Variants in NRXN1 observed in about 807,000 individuals in gnomAD.
NRXN1 encodes neurexin 1.
Under a neutral mutation model 150.9 loss-of-function variants are expected in NRXN1, and 39 were observed. The ratio of observed to expected loss-of-function variants is 0.26; its 90% confidence interval spans 0.20 to 0.34. NRXN1 has a LOEUF of 0.34. Ranked by LOEUF, NRXN1 falls within the 10% of genes least tolerant of loss-of-function variation. The pLI, the probability that NRXN1 is intolerant of heterozygous loss-of-function variation, is 1.00. For synonymous variants in NRXN1, 924 were observed against 757.0 expected (o/e 1.22, Z -3.62); for missense variants, 1,815 against 1,949.9 (o/e 0.93, Z 1.30).
chr2:50,163,746 A>T (rs2059507396), intron 18 of NRXN1, among the ~76,000 whole-genome samples: 1 of 152,174 alleles, frequency 6.6e-6, no homozygotes, highest in Non-Finnish European at 1.5e-5. Flanking sequence ...GTGTGTTAAC[A>T]TATACACGTT....
intron 19 of NRXN1, among the ~76,000 whole-genome samples, chr2:50,072,420 C>A (rs1446508061): frequency 6.6e-6 from 1 of 151,810 alleles, no homozygotes; most frequent in Non-Finnish European, 1.5e-5. Flanking sequence ...ACTGTGAGAT[C>A]CCAAAAGATA....
rs117649255 is a variant in NRXN1 at position 50,902,831 on chromosome 2, A to G, written c.832+19038T>C. Among the ~76,000 whole-genome samples the G allele has an allele frequency of 6.7e-3, 1,018 of 152,310 alleles. 45 individuals carry two copies. In the East Asian group the frequency reaches 0.079, roughly 12 times the overall value. On this transcript the variant is annotated intron_variant, in intron 5 of 22. Coordinates refer to ENST00000401669, the MANE Select transcript of NRXN1 (RefSeq NM_001330078.2). ...ATCTCAGATAGTTATTATAACAGAT[A>G]AGAAAATGCTTTTTACAAGTCAAAA...
chr2:50,836,750 T>A lies in NRXN1; in HGVS notation c.832+85119A>T, dbSNP rs573523387. Among the ~76,000 whole-genome samples the A allele has an allele frequency of 2.0e-4, 31 of 151,894 alleles. 2 individuals carry two copies. In the South Asian group the frequency reaches 6.2e-3, roughly 30 times the overall value. On this transcript the variant is annotated intron_variant, in intron 5 of 22. Coordinates refer to ENST00000401669, the MANE Select transcript of NRXN1 (RefSeq NM_001330078.2). ...GGACACCCAGGTTGCTTCCATGTAATCTTGACCTAAGTTACAAATTTGCGA... is the reference window on the plus strand; with the variant it reads ...GGACACCCAGGTTGCTTCCATGTAAACTTGACCTAAGTTACAAATTTGCGA...
At chr2:50,158,976 G>A (rs1049446960) in intron 18 of NRXN1, among the ~76,000 whole-genome samples, 1 of 151,988 alleles carries the variant, frequency 6.6e-6, no homozygotes, top group Admixed American at 6.6e-5. Context: ...TCACACGCAA[G>A]GTAACTGCTT....
chr2:50,853,747 T>C (rs1314991027), intron 5 of NRXN1, among the ~76,000 whole-genome samples: 1 of 152,078 alleles, frequency 6.6e-6, no homozygotes, highest in Non-Finnish European at 1.5e-5. Flanking sequence ...TACAAATTCT[T>C]ATCCATAAAA....
In NRXN1 at chr2:50,897,914, T is replaced by C. The variant is rs528170713; in HGVS notation, c.832+23955A>G. 1.8e-4 allele frequency among the ~76,000 whole-genome samples: 27 copies of C among 151,486 alleles called. No homozygotes were observed. The East Asian group carries it at 2.1e-3, about 12-fold the overall frequency. ...CTATTTACTGTATTCCTCCATAAAA[T>C]TGATGATAGCAAAAACAAAACATAA... is the stretch of plus-strand genomic sequence containing the variant. On this transcript the variant is annotated intron_variant, in intron 5 of 22. Coordinates refer to ENST00000401669, the MANE Select transcript of NRXN1 (RefSeq NM_001330078.2).
At chr2:50,695,633 TTAAAATATG>T (rs1692714008) in intron 5 of NRXN1, among the ~76,000 whole-genome samples, 2 of 152,132 alleles carry the variant, frequency 1.3e-5, no homozygotes, top group Admixed American at 6.5e-5. Context: ...ATTTGAGAGA[TTAAAATATG>T]TGAAATATGT....
intron 13 of NRXN1, among the ~76,000 whole-genome samples, chr2:50,504,349 A>G (rs1443850836): frequency 1.3e-5 from 2 of 152,266 alleles, no homozygotes; most frequent in East Asian, 3.9e-4. Flanking sequence ...TTTTTAAAAA[A>G]TACATGCTGA....
chr2:50,268,956 T>G (rs1471342508), intron 17 of NRXN1, among the ~76,000 whole-genome samples: 3 of 152,064 alleles, frequency 2.0e-5, no homozygotes, highest in Admixed American at 2.0e-4. Context: ...CCTAGACAGG[T>G]GAGTAATGCC....
intron 18 of NRXN1, among the ~76,000 whole-genome samples, chr2:50,177,642 G>A (rs373059268): frequency 6.6e-6 from 1 of 151,876 alleles, no homozygotes; most frequent in Non-Finnish European, 1.5e-5. Context: ...TGATGCAAAC[G>A]CCTAAATACA....
chr2:50,837,727 T>G (rs780498835), intron 5 of NRXN1, among the ~76,000 whole-genome samples: 1 of 152,128 alleles, frequency 6.6e-6, no homozygotes, highest in African/African-American at 2.4e-5. Flanking sequence ...AGAAATATTT[T>G]TGCATAAGCC....
intron 5 of NRXN1, among the ~76,000 whole-genome samples, chr2:50,874,733 T>C (rs1426291617): frequency 6.6e-6 from 1 of 151,852 alleles, no homozygotes; most frequent in Non-Finnish European, 1.5e-5. Flanking sequence ...AAAAGTTGAA[T>C]CTCATTTCAT....
At chr2:50,871,924 A>T (rs1677837615) in intron 5 of NRXN1, among the ~76,000 whole-genome samples, 1 of 151,850 alleles carries the variant, frequency 6.6e-6, no homozygotes, top group African/African-American at 2.4e-5. Context: ...GAAGAACTCC[A>T]TTTTCATTTC....
chr2:50,533,574 C>T (rs2093174443), intron 10 of NRXN1, among the ~76,000 whole-genome samples: 1 of 152,150 alleles, frequency 6.6e-6, no homozygotes, highest in African/African-American at 2.4e-5. Context: ...TCACCTCTGC[C>T]ACTAATGTCC....
intron 17 of NRXN1, among the ~76,000 whole-genome samples, chr2:50,398,512 G>A (rs2082189972): frequency 6.6e-6 from 1 of 152,092 alleles, no homozygotes; most frequent in Non-Finnish European, 1.5e-5. Context: ...GAAAACATAA[G>A]TATGTGTAGG....
chr2:50,243,585 C>G (rs1312144450), intron 17 of NRXN1, among the ~76,000 whole-genome samples: 5 of 151,974 alleles, frequency 3.3e-5, no homozygotes, highest in African/African-American at 1.2e-4. Context: ...TGTCCACACA[C>G]TATTCCACCA....
At chr2:50,453,762 C>T (rs975788040) in intron 17 of NRXN1, among the ~76,000 whole-genome samples, 1 of 152,068 alleles carries the variant, frequency 6.6e-6, no homozygotes, top group African/African-American at 2.4e-5. Flanking sequence ...TTCAGGGACA[C>T]TGGAGGACTA....
At chr2:50,156,983 T>C (rs1037602303) in intron 18 of NRXN1, among the ~76,000 whole-genome samples, 2 of 152,078 alleles carry the variant, frequency 1.3e-5, no homozygotes, top group Non-Finnish European at 2.9e-5. Context: ...TCCCTGGGGC[T>C]GTACTAAGTG....
chr2:50,854,614 A>G (rs1042949172), intron 5 of NRXN1, among the ~76,000 whole-genome samples: 2 of 152,082 alleles, frequency 1.3e-5, no homozygotes, highest in Admixed American at 1.3e-4. Flanking sequence ...GGAAAATAAG[A>G]GTTGAAGCCT....
Sources: allele counts gnomAD v4.1 joint callset (sites outside exome capture counted in the v4.1 genomes callset), GRCh38; gene constraint gnomAD v4.1.1; transcripts MANE v1.5; gene names NCBI Gene and HGNC (gene_info 2026-07-23, HGNC 2026-07-21).